Variants in EEPD1 observed in about 807,000 individuals in gnomAD.
The protein encoded by EEPD1 is endonuclease/exonuclease/phosphatase family domain containing 1.
EEPD1 carries 17 observed loss-of-function variants against 46.3 expected under a neutral mutation model. The observed-to-expected ratio is 0.37, with a 90% CI of 0.25 to 0.55. The LOEUF is 0.55. EEPD1 is among the 20% of genes least tolerant of loss of function. The pLI, the probability that EEPD1 is intolerant of heterozygous loss-of-function variation, is 0.83. For synonymous variants in EEPD1, 313 were observed against 315.6 expected (o/e 0.99, Z 0.09); for missense variants, 673 against 745.6 (o/e 0.90, Z 1.13).
Position 36,210,524 on chromosome 7 carries a change from A to G in EEPD1, c.879-28461A>G, listed in dbSNP as rs528378735. Among the ~76,000 whole-genome samples the G allele has an allele frequency of 7.2e-5, 11 of 152,306 alleles. No homozygotes were observed. The South Asian group carries it at 2.1e-3, about 29-fold the overall frequency. ...CATACCTTCCAGAGCTGTCTTTTTA[A>G]AACATGAATCAAATCCTGGCTGCTT... On this transcript the variant is annotated intron_variant, in intron 2 of 7. Transcript: ENST00000242108.
intron 2 of EEPD1, among the ~76,000 whole-genome samples, chr7:36,238,553 C>T (rs1415711532): frequency 1.3e-5 from 2 of 152,158 alleles, no homozygotes; most frequent in Admixed American, 6.5e-5. Flanking sequence ...TCATCTGTGG[C>T]GTGGCATGTA....
At chr7:36,211,850 G>C (rs1187065308) in intron 2 of EEPD1, among the ~76,000 whole-genome samples, 1 of 151,896 alleles carries the variant, frequency 6.6e-6, no homozygotes, top group South Asian at 2.1e-4. Flanking sequence ...GCTTGAACCC[G>C]GGAGGTGGAG....
intron 3 of EEPD1, among the ~76,000 whole-genome samples, chr7:36,268,206 C>T (rs1488543514): frequency 6.6e-6 from 1 of 152,100 alleles, no homozygotes; most frequent in Non-Finnish European, 1.5e-5. Flanking sequence ...GGCTGGAGTG[C>T]AGTGGTGTGA....
At chr7:36,156,770 A>T (rs11769988) in intron 2 of EEPD1, among the ~76,000 whole-genome samples, 16,228 of 152,186 alleles carry the variant, frequency 0.11, 889 homozygotes, top group Non-Finnish European at 0.13. Context: ...CTGTGTTTTA[A>T]CACACCCTCC....
intron 6 of EEPD1, among the ~76,000 whole-genome samples, chr7:36,291,804 C>T (rs572293302): frequency 1.3e-5 from 2 of 152,328 alleles, no homozygotes; most frequent in Admixed American, 1.3e-4. Context: ...CTAAAGCCTC[C>T]TTCACAAGGT....
chr7:36,289,658 C>G (rs1021867239), intron 6 of EEPD1, among the ~76,000 whole-genome samples: 5 of 152,218 alleles, frequency 3.3e-5, no homozygotes, highest in African/African-American at 1.2e-4. Flanking sequence ...CCGCGCCTGG[C>G]TAATTTTTTG....
At chr7:36,240,829 T>C (rs1341845566) in intron 3 of EEPD1, among the ~76,000 whole-genome samples, 1 of 152,324 alleles carries the variant, frequency 6.6e-6, no homozygotes, top group East Asian at 1.9e-4. Context: ...AGGATGAAAC[T>C]GTTCCACCTC....
At position 36,239,018 on chromosome 7, in the gene EEPD1, CAGAG is replaced by C. The variant is rs899244843; in HGVS notation, c.915_918del (p.Glu306ProfsTer9). The C allele has an allele frequency of 8.1e-6, 13 of 1,611,580 alleles. No homozygotes were observed. Among genetic ancestry groups the C allele is most frequent in the Non-Finnish European group, 1.1e-5 (13 of 1,179,514 alleles). ...TTCTAGCTGTGCAAGAACTGCTTGA[CAGAG>C]AGGCCTTGGAAAAGGTAAATATTTT... On this transcript the variant is annotated frameshift_variant, in exon 3 of 8. Coordinates refer to ENST00000242108, the MANE Select transcript of EEPD1 (RefSeq NM_030636.3). LOFTEE classifies it high-confidence loss of function.
intron 7 of EEPD1, among the ~76,000 whole-genome samples, chr7:36,298,585 T>C (rs1483804383): frequency 2.6e-5 from 4 of 152,232 alleles, no homozygotes; most frequent in African/African-American, 7.2e-5. Flanking sequence ...ACCCTTTGTG[T>C]AGAAAGAATT....
chr7:36,209,946 G>A (rs1400062876), intron 2 of EEPD1, among the ~76,000 whole-genome samples: 1 of 152,154 alleles, frequency 6.6e-6, no homozygotes, highest in Admixed American at 6.5e-5. Context: ...CTGGTTGGCT[G>A]TGGAGATGAC....
chr7:36,282,214 A>G (rs1371803168), intron 4 of EEPD1, among the ~76,000 whole-genome samples: 1 of 152,242 alleles, frequency 6.6e-6, no homozygotes, highest in East Asian at 1.9e-4. Flanking sequence ...CGTGGAAATA[A>G]TAAGAATAAT....
At chr7:36,226,430 C>T (rs1033662274) in intron 2 of EEPD1, among the ~76,000 whole-genome samples, 3 of 152,178 alleles carry the variant, frequency 2.0e-5, no homozygotes, top group Non-Finnish European at 4.4e-5. Context: ...CTTCAGGTTC[C>T]TTAAGACCCT....
chr7:36,201,839 A>C (rs187411264), intron 2 of EEPD1, among the ~76,000 whole-genome samples: 2 of 152,206 alleles, frequency 1.3e-5, no homozygotes, highest in African/African-American at 2.4e-5. Flanking sequence ...TTCTTGCTGG[A>C]TGGAGCCTGA....
intron 2 of EEPD1, among the ~76,000 whole-genome samples, chr7:36,227,734 G>C (rs1022394884): frequency 1.9e-4 from 29 of 152,080 alleles, no homozygotes; most frequent in African/African-American, 7.0e-4. Context: ...TTGTTGCCCA[G>C]GCTGGAGTGC....
chr7:36,201,788 C>T (rs951064914), intron 2 of EEPD1, among the ~76,000 whole-genome samples: 3 of 152,198 alleles, frequency 2.0e-5, no homozygotes, highest in African/African-American at 7.2e-5. Context: ...GGTGCATTTA[C>T]TCCCAAGGTC....
intron 2 of EEPD1, among the ~76,000 whole-genome samples, chr7:36,209,831 T>C (rs1785892873): frequency 6.6e-6 from 1 of 152,200 alleles, no homozygotes; most frequent in South Asian, 2.1e-4. Flanking sequence ...GTATATGGGA[T>C]ATAAGACACA....
At chr7:36,224,842 A>C (rs1786206622) in intron 2 of EEPD1, among the ~76,000 whole-genome samples, 1 of 152,156 alleles carries the variant, frequency 6.6e-6, no homozygotes, top group African/African-American at 2.4e-5. Flanking sequence ...TGGAAAAAAA[A>C]AAAGTTTTGC....
chr7:36,179,284 A>C (rs1293677645), intron 2 of EEPD1, among the ~76,000 whole-genome samples: 1 of 152,186 alleles, frequency 6.6e-6, no homozygotes, highest in Non-Finnish European at 1.5e-5. Context: ...CCCATCTTTA[A>C]AGATTTCTAG....
At chr7:36,233,552 C>T (rs1042653932) in intron 2 of EEPD1, among the ~76,000 whole-genome samples, 6 of 152,208 alleles carry the variant, frequency 3.9e-5, no homozygotes, top group African/African-American at 9.7e-5. Flanking sequence ...GGAGCTTCCA[C>T]GCTTGTTGGG....
Sources: allele counts gnomAD v4.1 joint callset (sites outside exome capture counted in the v4.1 genomes callset), GRCh38; gene constraint gnomAD v4.1.1; transcripts MANE v1.5; gene names NCBI Gene and HGNC (gene_info 2026-07-23, HGNC 2026-07-21).